CTNNA3: variants seen among roughly 807,000 people sequenced by gnomAD.
CTNNA3 encodes the protein catenin alpha-3.
A neutral mutation model predicts 95.7 loss-of-function variants in CTNNA3; 76 were observed. That is an observed-to-expected ratio of 0.79 (90% CI 0.66 to 0.96). The LOEUF is 0.96. CTNNA3 is among the 40% of genes least tolerant of loss of function. The pLI is 0.00. For missense variants in CTNNA3, 1,191 were observed against 1,089.8 expected (o/e 1.09, Z -1.31); for synonymous variants, 431 against 374.4 (o/e 1.15, Z -1.74).
At position 66,877,223 on chromosome 10, in the gene CTNNA3, C is replaced by T. The variant is rs544401251; in HGVS notation, c.1048-101699G>A. On this transcript the variant is annotated intron_variant, in intron 7 of 17. Transcript: ENST00000433211. The stretch of plus-strand genomic sequence containing the variant: ...AAGGGTTTGGGCACTGTGTTCTGGC[C>T]TATTCTTAGCAATTCCTAACCAATA... Among the ~76,000 whole-genome samples the T allele has an allele frequency of 3.4e-4, 52 of 152,242 alleles. 1 individual carries two copies. The highest frequency in any genetic ancestry group is 1.2e-3 in the African/African-American group (51 of 41,558).
intron 13 of CTNNA3, among the ~76,000 whole-genome samples, chr10:66,173,975 T>C (rs2085571515): frequency 6.6e-6 from 1 of 152,130 alleles, no homozygotes; most frequent in African/African-American, 2.4e-5. Context: ...GCAGTCTCAC[T>C]TCAAAATCCG....
intron 10 of CTNNA3, among the ~76,000 whole-genome samples, chr10:66,601,259 G>A (rs1843912562): frequency 6.6e-6 from 1 of 151,632 alleles, no homozygotes; most frequent in African/African-American, 2.4e-5. Flanking sequence ...AGCATTCAAC[G>A]AGCAGAAATT....
intron 5 of CTNNA3, among the ~76,000 whole-genome samples, chr10:67,330,285 T>TATTCG (rs781702726): frequency 3.9e-5 from 6 of 152,196 alleles, no homozygotes; most frequent in Non-Finnish European, 8.8e-5. Flanking sequence ...GTTCTGTGTC[T>TATTCG]ATTCTGCCCA....
intron 13 of CTNNA3, among the ~76,000 whole-genome samples, chr10:66,160,559 T>C (rs1414136696): frequency 6.6e-6 from 1 of 152,130 alleles, no homozygotes; most frequent in Admixed American, 6.6e-5. Flanking sequence ...TGATATAATG[T>C]CAATTTTCTT....
chr10:67,446,294 CT>C (rs1392904252), intron 5 of CTNNA3, among the ~76,000 whole-genome samples: 3 of 152,152 alleles, frequency 2.0e-5, no homozygotes, highest in African/African-American at 4.8e-5. Flanking sequence ...TAGTCCACCC[CT>C]GACAGAACTT....
intron 7 of CTNNA3, among the ~76,000 whole-genome samples, chr10:67,087,351 T>C (rs1341150318): frequency 6.6e-6 from 1 of 151,906 alleles, no homozygotes; most frequent in Non-Finnish European, 1.5e-5. Context: ...ACTAAAGAAT[T>C]TGAAAAACAC....
intron 11 of CTNNA3, among the ~76,000 whole-genome samples, chr10:66,408,626 T>C (rs767823195): frequency 6.6e-6 from 1 of 152,202 alleles, no homozygotes; most frequent in Non-Finnish European, 1.5e-5. Context: ...TCCTGATATA[T>C]AAATATTCCT....
chr10:67,632,312 T>TA (rs10638046), intron 2 of CTNNA3, among the ~76,000 whole-genome samples: 8,826 of 144,156 alleles, frequency 0.061, 439 homozygotes, highest in East Asian at 0.29. Context: ...TTAAATATAT[T>TA]AAAAAAAAAA....
intron 13 of CTNNA3, among the ~76,000 whole-genome samples, chr10:66,261,481 T>C (rs2090998951): frequency 6.6e-6 from 1 of 152,134 alleles, no homozygotes; most frequent in Admixed American, 6.6e-5. Flanking sequence ...AAACACATTG[T>C]ATTACAATTG....
At chr10:66,014,452 A>T (rs2079057770) in intron 15 of CTNNA3, among the ~76,000 whole-genome samples, 1 of 152,170 alleles carries the variant, frequency 6.6e-6, no homozygotes, top group Non-Finnish European at 1.5e-5. Context: ...GAAATCTTTA[A>T]AATTCTTAAA....
At chr10:66,106,650 A>C (rs2081924791) in intron 13 of CTNNA3, among the ~76,000 whole-genome samples, 1 of 152,116 alleles carries the variant, frequency 6.6e-6, no homozygotes, top group Non-Finnish European at 1.5e-5. Context: ...GGATTGTGGC[A>C]AAAGTTTATT....
At chr10:67,479,255 C>G (rs1334147444) in intron 5 of CTNNA3, among the ~76,000 whole-genome samples, 1 of 152,130 alleles carries the variant, frequency 6.6e-6, no homozygotes, top group African/African-American at 2.4e-5. Flanking sequence ...ATTTAATATA[C>G]ATCTACAGAA....
chr10:67,175,071 CA>C (rs11453660), intron 7 of CTNNA3, among the ~76,000 whole-genome samples: 82 of 66,250 alleles, frequency 1.2e-3, no homozygotes, highest in Non-Finnish European at 2.4e-3. Context: ...CAGTCCATGC[CA>C]AAAAAAAAAA....
chr10:66,606,192 G>T (rs564025370), intron 10 of CTNNA3, among the ~76,000 whole-genome samples: 1 of 152,128 alleles, frequency 6.6e-6, no homozygotes, highest in Non-Finnish European at 1.5e-5. Context: ...TTATATAACA[G>T]TAAAGGGTTA....
intron 5 of CTNNA3, among the ~76,000 whole-genome samples, chr10:67,415,190 T>C (rs1032590330): frequency 6.6e-6 from 1 of 152,008 alleles, no homozygotes; most frequent in Non-Finnish European, 1.5e-5. Context: ...TAAAAGGAAT[T>C]TGAAAAAGAA....
intron 11 of CTNNA3, among the ~76,000 whole-genome samples, chr10:66,465,345 T>C (rs967974730): frequency 1.3e-5 from 2 of 152,160 alleles, no homozygotes; most frequent in African/African-American, 4.8e-5. Context: ...AATTTTCAAA[T>C]GTTTGAATCA....
At chr10:66,302,873 C>T (rs564799270) in intron 12 of CTNNA3, among the ~76,000 whole-genome samples, 54 of 152,006 alleles carry the variant, frequency 3.6e-4, no homozygotes, top group Non-Finnish European at 6.8e-4. Flanking sequence ...CTATTCCATG[C>T]CCAAATTAGA....
chr10:66,416,422 A>C (rs939184147), intron 11 of CTNNA3, among the ~76,000 whole-genome samples: 1 of 152,110 alleles, frequency 6.6e-6, no homozygotes, highest in African/African-American at 2.4e-5. Flanking sequence ...CAAATCTAGC[A>C]AGAGATTTAA....
At chr10:66,054,807 A>G (rs2080042468) in intron 15 of CTNNA3, among the ~76,000 whole-genome samples, 1 of 152,114 alleles carries the variant, frequency 6.6e-6, no homozygotes, top group Non-Finnish European at 1.5e-5. Flanking sequence ...TACTCAGACC[A>G]ATGTCCTGAA....
Sources: gnomAD v4.1 joint callset for allele counts (sites outside exome capture counted in the v4.1 genomes callset) on GRCh38, gnomAD v4.1.1 for gene constraint, MANE v1.5 for transcripts, NCBI Gene and HGNC (gene_info 2026-07-23, HGNC 2026-07-21) for gene names.